HCRTR2: variants seen among roughly 807,000 people sequenced by gnomAD.
HCRTR2 encodes the protein orexin receptor type 2.
In HCRTR2, 22 loss-of-function variants were observed where a neutral mutation model predicts 49.0. The observed-to-expected ratio is 0.45, with a 90% confidence interval of 0.32 to 0.64. HCRTR2 has a LOEUF of 0.64. Ranked by LOEUF, HCRTR2 falls within the 30% of genes least tolerant of loss-of-function variation. The pLI, the probability that HCRTR2 is intolerant of heterozygous loss-of-function variation, is 0.04. For synonymous variants in HCRTR2, 236 were observed against 205.3 expected (o/e 1.15, Z -1.28); for missense variants, 491 against 559.4 (o/e 0.88, Z 1.23).
chr6:55,129,309 G>A (rs568507037), intron 1 of HCRTR2, among the ~76,000 whole-genome samples: 6 of 152,152 alleles, frequency 3.9e-5, no homozygotes, highest in Non-Finnish European at 7.4e-5. Flanking sequence ...ATCAGAAATT[G>A]AAACTCCTTC....
At chr6:55,205,651 A>T (rs1205983347) in intron 1 of HCRTR2, among the ~76,000 whole-genome samples, 3 of 152,094 alleles carry the variant, frequency 2.0e-5, no homozygotes, top group African/African-American at 4.8e-5. Context: ...TAAAAAAAAT[A>T]AAAAAAGAAG....
chr6:55,206,579 A>G (rs2127288586), intron 1 of HCRTR2, among the ~76,000 whole-genome samples: 1 of 152,152 alleles, frequency 6.6e-6, no homozygotes, highest in Admixed American at 6.5e-5. Flanking sequence ...AGCGAAAAAT[A>G]GCATCTACCT....
chr6:55,145,658 GC>G (rs2127255413), intron 1 of HCRTR2, among the ~76,000 whole-genome samples: 1 of 151,906 alleles, frequency 6.6e-6, no homozygotes, highest in East Asian at 1.9e-4. Context: ...CTCGTGATCT[GC>G]CCGCCTTGGC....
intron 1 of HCRTR2, among the ~76,000 whole-genome samples, chr6:55,177,981 T>C (rs1765069599): frequency 2.0e-5 from 3 of 152,180 alleles, no homozygotes. Flanking sequence ...ATCTTTTCAG[T>C]ATCTTCAGAA....
intron 1 of HCRTR2, among the ~76,000 whole-genome samples, chr6:55,238,631 A>T (rs1241795716): frequency 6.6e-6 from 1 of 152,214 alleles, no homozygotes; most frequent in Non-Finnish European, 1.5e-5. Flanking sequence ...TAGAACATCT[A>T]TAAGATGAAA....
chr6:55,138,129 C>A (rs1764456575), intron 1 of HCRTR2, among the ~76,000 whole-genome samples: 1 of 151,774 alleles, frequency 6.6e-6, no homozygotes, highest in African/African-American at 2.4e-5. Flanking sequence ...GCATGATCAG[C>A]AAATAAACCA....
chr6:55,112,238 T>A (rs1206418316), intron 1 of HCRTR2, among the ~76,000 whole-genome samples: 1 of 151,370 alleles, frequency 6.6e-6, no homozygotes, highest in Non-Finnish European at 1.5e-5. Flanking sequence ...TGAAGCAAGG[T>A]GAGGATGCCA....
chr6:55,150,977 G>A (rs923464914), intron 1 of HCRTR2, among the ~76,000 whole-genome samples: 13 of 151,998 alleles, frequency 8.6e-5, no homozygotes, highest in Non-Finnish European at 1.9e-4. Context: ...ATACCATACT[G>A]TAGTCTACTT....
At chr6:55,201,733 TACTC>T (rs1287038748) in intron 1 of HCRTR2, among the ~76,000 whole-genome samples, 5 of 152,160 alleles carry the variant, frequency 3.3e-5, no homozygotes, top group African/African-American at 9.6e-5. Context: ...CTATGACTGA[TACTC>T]AACCTCTTGC....
chr6:55,174,470 C>G (rs1250601683), upstream of HCRTR2: 19 of 869,664 alleles, frequency 2.2e-5, no homozygotes, highest in South Asian at 2.3e-4. Flanking sequence ...ACGTCATTTT[C>G]TGCTCGGGAG....
chr6:55,207,946 A>G (rs1765630655), intron 1 of HCRTR2, among the ~76,000 whole-genome samples: 1 of 152,164 alleles, frequency 6.6e-6, no homozygotes, highest in Admixed American at 6.5e-5. Context: ...GTGATCCTAG[A>G]ACAAATTTAG....
intron 1 of HCRTR2, among the ~76,000 whole-genome samples, chr6:55,210,673 G>C (rs1394725926): frequency 6.6e-6 from 1 of 152,060 alleles, no homozygotes; most frequent in Non-Finnish European, 1.5e-5. Flanking sequence ...CCTGATCACT[G>C]TCCCTTCCTG....
At chr6:55,137,404 C>A (rs941779247) in intron 1 of HCRTR2, among the ~76,000 whole-genome samples, 1 of 152,122 alleles carries the variant, frequency 6.6e-6, no homozygotes, top group Non-Finnish European at 1.5e-5. Context: ...GTGCATCTAA[C>A]TGAATGTCAA....
At chr6:55,231,537 G>A (rs1171665281) in intron 1 of HCRTR2, among the ~76,000 whole-genome samples, 3 of 151,842 alleles carry the variant, frequency 2.0e-5, no homozygotes, top group Non-Finnish European at 2.9e-5. Context: ...AGAAAGCCAA[G>A]ATTTTATAAA....
At chr6:55,187,076 T>TA (rs377314769) in intron 1 of HCRTR2, among the ~76,000 whole-genome samples, 73 of 147,466 alleles carry the variant, frequency 5.0e-4, no homozygotes, top group South Asian at 4.7e-3. Flanking sequence ...CATTATGAAT[T>TA]AAAAAAAAAA....
intron 1 of HCRTR2, among the ~76,000 whole-genome samples, chr6:55,118,935 CT>C (rs1187705185): frequency 1.3e-5 from 2 of 151,916 alleles, no homozygotes; most frequent in African/African-American, 4.8e-5. Flanking sequence ...TATTCCTCCC[CT>C]ATCCCCCAAC....
At chr6:55,163,255 CAACA>C (rs200898132) in intron 1 of HCRTR2, among the ~76,000 whole-genome samples, 23,741 of 111,004 alleles carry the variant, frequency 0.21, 2,186 homozygotes, top group Non-Finnish European at 0.27. Flanking sequence ...AACAAACAAA[CAACA>C]AAAAAAAAAA....
At chr6:55,211,877 T>C (rs1279765640) in intron 1 of HCRTR2, among the ~76,000 whole-genome samples, 9 of 152,154 alleles carry the variant, frequency 5.9e-5, no homozygotes, top group Non-Finnish European at 1.2e-4. Flanking sequence ...AATGGCTACC[T>C]TGTTTTATTG....
intron 1 of HCRTR2, among the ~76,000 whole-genome samples, chr6:55,138,341 A>G (rs771878946): frequency 3.9e-4 from 59 of 152,290 alleles, no homozygotes; most frequent in Admixed American, 9.8e-4. Context: ...ACTTCTTTTA[A>G]CAAAATTCTG....
Sources: gnomAD v4.1 joint callset for allele counts (sites outside exome capture counted in the v4.1 genomes callset) on GRCh38, gnomAD v4.1.1 for gene constraint, MANE v1.5 for transcripts, NCBI Gene and HGNC (gene_info 2026-07-23, HGNC 2026-07-21) for gene names.